Variants in IL1RAPL1 observed in about 807,000 individuals in gnomAD.
IL1RAPL1 encodes interleukin 1 receptor accessory protein like 1.
A neutral mutation model predicts 48.4 loss-of-function variants in IL1RAPL1; 3 were observed. The observed-to-expected ratio is 0.06, with a 90% CI of 0.03 to 0.16. The LOEUF (loss-of-function observed/expected upper bound fraction) is 0.16, where lower values mean the gene tolerates loss of function less well. IL1RAPL1 is among the 10% of genes least tolerant of loss of function. The probability of loss-of-function intolerance (pLI) is 1.00; values close to 1 mark genes in which losing one functional copy is unlikely to be tolerated. For synonymous variants in IL1RAPL1, 185 were observed against 187.7 expected, an observed-to-expected ratio of 0.99 and a Z score of 0.12; for missense variants, 349 against 530.6, an observed-to-expected ratio of 0.66 and a Z score of 3.36.
At chrX:29,757,112 T>A (rs1290944846) in intron 6 of IL1RAPL1, among the ~76,000 whole-genome samples, 2 of 112,485 alleles carry the variant, frequency 1.8e-5, no homozygotes, top group African/African-American at 3.2e-5. Context: ...CCAATACATG[T>A]CTGTTGTTTT....
intron 6 of IL1RAPL1, among the ~76,000 whole-genome samples, chrX:29,884,539 G>C (rs1932100860): frequency 9.0e-6 from 1 of 110,732 alleles, no homozygotes; most frequent in Non-Finnish European, 1.9e-5. Flanking sequence ...CTTAATCCTT[G>C]GTCATCTTCT....
chrX:29,476,539 T>A (rs1934976227), intron 5 of IL1RAPL1, among the ~76,000 whole-genome samples: 1 of 111,633 alleles, frequency 9.0e-6, no homozygotes. Context: ...TCTGGTACAG[T>A]ATGTATCAAT....
chrX:28,837,467 G>A (rs112383134), intron 2 of IL1RAPL1, among the ~76,000 whole-genome samples: 1 of 110,212 alleles, frequency 9.1e-6, no homozygotes, highest in Admixed American at 9.7e-5. Flanking sequence ...AAAATAAAAT[G>A]TAGTTTGGGA....
intron 2 of IL1RAPL1, among the ~76,000 whole-genome samples, chrX:29,189,734 A>T (rs1187981212): frequency 8.9e-6 from 1 of 111,843 alleles, no homozygotes; most frequent in Non-Finnish European, 1.9e-5. Flanking sequence ...TACTTGAATC[A>T]TTCAAAAGTT....
chrX:29,608,167 C>T (rs1442366210), intron 5 of IL1RAPL1, among the ~76,000 whole-genome samples: 4 of 111,544 alleles, frequency 3.6e-5, no homozygotes, highest in Non-Finnish European at 5.6e-5. Context: ...CCATCAGGGC[C>T]TCTTCATATG....
intron 4 of IL1RAPL1, among the ~76,000 whole-genome samples, chrX:29,397,142 C>A (rs377333517): frequency 8.9e-6 from 1 of 111,803 alleles, no homozygotes; most frequent in African/African-American, 3.2e-5. Flanking sequence ...TGAATGTACT[C>A]AAAAAATAAA....
At chrX:29,314,739 A>G (rs1408937816) in intron 3 of IL1RAPL1, among the ~76,000 whole-genome samples, 1 of 112,303 alleles carries the variant, frequency 8.9e-6, no homozygotes, top group Non-Finnish European at 1.9e-5. Context: ...TCAGCAGGAT[A>G]CCTGGCACTT....
intron 1 of IL1RAPL1, among the ~76,000 whole-genome samples, chrX:28,612,190 T>C (rs1421245116): frequency 4.5e-5 from 5 of 111,864 alleles, no homozygotes; most frequent in African/African-American, 1.3e-4. Context: ...TCACCCTGGC[T>C]CTGTCCTGCA....
intron 2 of IL1RAPL1, among the ~76,000 whole-genome samples, chrX:29,009,586 G>T (rs1286633139): frequency 2.7e-5 from 3 of 111,611 alleles, no homozygotes. Context: ...CTTTATTTCT[G>T]AGTTTTCTAT....
intron 6 of IL1RAPL1, among the ~76,000 whole-genome samples, chrX:29,758,083 A>C (rs975682929): frequency 1.8e-5 from 2 of 111,885 alleles, no homozygotes; most frequent in Non-Finnish European, 3.8e-5. Flanking sequence ...TTATTTGCCT[A>C]TCTCTTTCAC....
intron 3 of IL1RAPL1, among the ~76,000 whole-genome samples, chrX:29,384,199 T>C (rs1054426407): frequency 4.5e-5 from 5 of 111,504 alleles, no homozygotes; most frequent in African/African-American, 1.6e-4. Context: ...AGGATATCAA[T>C]ATGCTAGAAG....
chrX:28,590,086 C>G (rs1045875202), intron 1 of IL1RAPL1, among the ~76,000 whole-genome samples: 2 of 111,575 alleles, frequency 1.8e-5, no homozygotes, highest in African/African-American at 6.5e-5. Context: ...GTCATTTTCC[C>G]TCATGTTTTA....
chrX:29,816,488 G>A, intron 6 of IL1RAPL1, among the ~76,000 whole-genome samples: 1 of 109,660 alleles, frequency 9.1e-6, no homozygotes, highest in Middle Eastern at 4.7e-3. Flanking sequence ...AATTCTACCA[G>A]AAGTACAAAG....
At chrX:28,885,090 A>T (rs2147316082) in intron 2 of IL1RAPL1, among the ~76,000 whole-genome samples, 1 of 111,857 alleles carries the variant, frequency 8.9e-6, no homozygotes, top group Non-Finnish European at 1.9e-5. Flanking sequence ...CCAATTAGGA[A>T]CTGTGAAATG....
At chrX:29,048,166 GAATA>G (rs1172875274) in intron 2 of IL1RAPL1, among the ~76,000 whole-genome samples, 1 of 111,718 alleles carries the variant, frequency 9.0e-6, no homozygotes, top group Non-Finnish European at 1.9e-5. Context: ...ATGAATGAAT[GAATA>G]AATTAATGAA....
chrX:28,946,541 T>G (rs1924310137), intron 2 of IL1RAPL1, among the ~76,000 whole-genome samples: 1 of 111,521 alleles, frequency 9.0e-6, no homozygotes, highest in Non-Finnish European at 1.9e-5. Context: ...TGGTACCTTT[T>G]AAGCATTCAA....
intron 2 of IL1RAPL1, among the ~76,000 whole-genome samples, chrX:28,842,565 C>A (rs986768176): frequency 9.0e-6 from 1 of 111,311 alleles, no homozygotes; most frequent in African/African-American, 3.3e-5. Flanking sequence ...ATTCTCCTAT[C>A]CCCTAATTAT....
intron 1 of IL1RAPL1, among the ~76,000 whole-genome samples, chrX:28,591,771 T>C (rs1933909739): frequency 9.0e-6 from 1 of 111,315 alleles, no homozygotes; most frequent in Non-Finnish European, 1.9e-5. Context: ...GAAACTGTAC[T>C]TCCGGCTCTG....
At chrX:29,230,546 T>TCTC (rs1931183992) in intron 2 of IL1RAPL1, among the ~76,000 whole-genome samples, 1 of 49,108 alleles carries the variant, frequency 2.0e-5, no homozygotes, top group South Asian at 8.4e-4. Context: ...CCTTGTTGTC[T>TCTC]CTCAGGCAAC....
Sources: allele counts gnomAD v4.1 joint callset (sites outside exome capture counted in the v4.1 genomes callset), GRCh38; gene constraint gnomAD v4.1.1; transcripts MANE v1.5; gene names NCBI Gene and HGNC (gene_info 2026-07-23, HGNC 2026-07-21).